Variants in RFX3 observed in about 807,000 individuals in gnomAD.
RFX3 encodes regulatory factor X3, also known as transcription factor RFX3.
In RFX3, 14 loss-of-function variants were observed where a neutral mutation model predicts 98.6. The ratio of observed to expected loss-of-function variants is 0.14; its 90% CI spans 0.09 to 0.22. RFX3 has a LOEUF of 0.22. Ranked by LOEUF, RFX3 falls within the 10% of genes least tolerant of loss-of-function variation. The pLI is 1.00. For missense variants in RFX3, 639 were observed against 926.9 expected (o/e 0.69, Z 4.03); for synonymous variants, 383 against 328.4 (o/e 1.17, Z -1.80).
At chr9:3,238,173 C>G (rs1360805679) in intron 15 of RFX3, among the ~76,000 whole-genome samples, 1 of 152,066 alleles carries the variant, frequency 6.6e-6, no homozygotes, top group Non-Finnish European at 1.5e-5. Flanking sequence ...CAGTAAAATT[C>G]CATTTAATAA....
intron 1 of RFX3, among the ~76,000 whole-genome samples, chr9:3,403,261 T>G (rs947045494): frequency 6.6e-6 from 1 of 152,128 alleles, no homozygotes; most frequent in Non-Finnish European, 1.5e-5. Flanking sequence ...TGTGAAAAAT[T>G]TATTCATTGT....
chr9:3,281,463 GAATT>G lies in RFX3; in HGVS notation c.852-4006_852-4003del, dbSNP rs199648896. Among the ~76,000 whole-genome samples, 9 of 151,016 alleles carry G rather than the reference GAATT, an allele frequency of 6.0e-5. 1 individual carries two copies. In the East Asian group the frequency reaches 1.5e-3, roughly 26 times the overall value. Reference sequence around the variant, plus strand: ...CTCCCTTTACTTCCATTTACTTTATGAATTAATTATTTTTAGATTTGGTTTTCCC... The same window carrying G: ...CTCCCTTTACTTCCATTTACTTTATGAATTATTTTTAGATTTGGTTTTCCC... On this transcript the variant is annotated intron_variant, in intron 7 of 16. Coordinates refer to ENST00000617270, the MANE Select transcript of RFX3 (RefSeq NM_001282116.2).
At chr9:3,487,370 T>C (rs975331748) in intron 1 of RFX3, among the ~76,000 whole-genome samples, 2 of 152,212 alleles carry the variant, frequency 1.3e-5, no homozygotes, top group South Asian at 2.1e-4. Context: ...ATTTTTCACA[T>C]TTACATTTTT....
At chr9:3,448,317 C>T (rs1205439171) in intron 1 of RFX3, among the ~76,000 whole-genome samples, 3 of 152,088 alleles carry the variant, frequency 2.0e-5, no homozygotes, top group Non-Finnish European at 2.9e-5. Flanking sequence ...AAAAACCATT[C>T]TGTGCAGTTG....
chr9:3,416,981 T>C (rs1343609271), intron 1 of RFX3, among the ~76,000 whole-genome samples: 1 of 152,014 alleles, frequency 6.6e-6, no homozygotes, highest in East Asian at 1.9e-4. Flanking sequence ...AAATGCTTTC[T>C]ACAAGAAATG....
At chr9:3,244,007 AT>A (rs71324236) in intron 15 of RFX3, among the ~76,000 whole-genome samples, 24 of 145,724 alleles carry the variant, frequency 1.6e-4, no homozygotes, top group African/African-American at 4.8e-4. Context: ...TATTTTTATT[AT>A]TTTTTTTTTT....
chr9:3,259,772 T>A (rs1344903365), intron 13 of RFX3, among the ~76,000 whole-genome samples: 1 of 151,952 alleles, frequency 6.6e-6, no homozygotes, highest in Non-Finnish European at 1.5e-5. Context: ...AAAAGAAAAT[T>A]TAATTAGAGG....
At chr9:3,510,308 A>G (rs1293017694) in intron 1 of RFX3, among the ~76,000 whole-genome samples, 4 of 151,920 alleles carry the variant, frequency 2.6e-5, no homozygotes, top group Non-Finnish European at 5.9e-5. Context: ...GTTATAAGAT[A>G]CAGATCATTT....
rs1041501711 is a variant in RFX3, at chr9:3,300,123, G to A, written c.549+1423C>T. Among the ~76,000 whole-genome samples the A allele has an allele frequency of 4.9e-4, 74 of 151,264 alleles. 1 individual carries two copies. Among genetic ancestry groups the A allele is most frequent in the African/African-American group, 1.7e-3 (70 of 41,316 alleles). On this transcript the variant is annotated intron_variant, in intron 5 of 16. Coordinates refer to ENST00000617270, the MANE Select transcript of RFX3 (RefSeq NM_001282116.2). The stretch of plus-strand genomic sequence containing the variant: ...TCACCCCCCGGACACACACAGCCTA[G>A]TAGTATACAGGAAATCAGCCTTTAA...
intron 2 of RFX3, among the ~76,000 whole-genome samples, chr9:3,359,711 ATCTTCT>A: frequency 6.6e-6 from 1 of 152,194 alleles, no homozygotes; most frequent in Admixed American, 6.6e-5. Flanking sequence ...AATTGGTAGA[ATCTTCT>A]AAATGGGGAT....
chr9:3,266,736 A>G (rs1239951250), intron 11 of RFX3, among the ~76,000 whole-genome samples: 1 of 152,084 alleles, frequency 6.6e-6, no homozygotes, highest in Non-Finnish European at 1.5e-5. Context: ...TATTAAAAAG[A>G]AAAATAATGC....
intron 1 of RFX3, among the ~76,000 whole-genome samples, chr9:3,415,672 G>A (rs1842921601): frequency 6.6e-6 from 1 of 152,096 alleles, no homozygotes; most frequent in African/African-American, 2.4e-5. Context: ...CAGTCTCCCT[G>A]AAATATTTTG....
chr9:3,455,016 C>T (rs1246260463), intron 1 of RFX3, among the ~76,000 whole-genome samples: 1 of 152,066 alleles, frequency 6.6e-6, no homozygotes. Flanking sequence ...TTTCTTGCAG[C>T]ACAATGCCCC....
chr9:3,505,789 C>T (rs188096469), intron 1 of RFX3, among the ~76,000 whole-genome samples: 1 of 150,464 alleles, frequency 6.6e-6, no homozygotes, highest in Admixed American at 6.7e-5. Flanking sequence ...TCTCTACCCC[C>T]CTGCTTCTCA....
intron 1 of RFX3, among the ~76,000 whole-genome samples, chr9:3,404,170 T>A (rs1233732888): frequency 6.6e-6 from 1 of 152,206 alleles, no homozygotes. Flanking sequence ...GCAAATGTAG[T>A]GAACATGGGT....
At chr9:3,358,968 C>T (rs1293190982) in intron 2 of RFX3, among the ~76,000 whole-genome samples, 1 of 151,708 alleles carries the variant, frequency 6.6e-6, no homozygotes, top group Non-Finnish European at 1.5e-5. Context: ...TATCTCCACC[C>T]GGTCCCACCC....
intron 15 of RFX3, among the ~76,000 whole-genome samples, chr9:3,242,991 G>A (rs975451752): frequency 6.6e-6 from 1 of 151,876 alleles, no homozygotes; most frequent in African/African-American, 2.4e-5. Flanking sequence ...ATTTTATGAA[G>A]CAATCAAAAT....
chr9:3,430,735 T>C lies in RFX3; in HGVS notation c.-8-35139A>G, dbSNP rs191094514. Among the ~76,000 whole-genome samples, 732 of 152,210 alleles carry C rather than the reference T, an allele frequency of 4.8e-3. 6 individuals carry two copies. Among genetic ancestry groups the C allele is most frequent in the Middle Eastern group, 0.02 (6 of 294 alleles). ...GCTTTAAACTGTGCAGGTCCACTTA[T>C]ATGTGCATTTTTTTCCAAAAAATAT... On this transcript the variant is annotated intron_variant, in intron 1 of 16. Transcript: ENST00000617270.
At chr9:3,323,035 C>T (rs967774104) in intron 4 of RFX3, among the ~76,000 whole-genome samples, 3 of 152,118 alleles carry the variant, frequency 2.0e-5, no homozygotes, top group Admixed American at 6.5e-5. Flanking sequence ...CCGTAGATTA[C>T]AAAACTCCTA....
Sources: gnomAD v4.1 joint callset for allele counts (sites outside exome capture counted in the v4.1 genomes callset) on GRCh38, gnomAD v4.1.1 for gene constraint, MANE v1.5 for transcripts, NCBI Gene and HGNC (gene_info 2026-07-23, HGNC 2026-07-21) for gene names.